Variants in TBC1D5 observed in about 807,000 individuals in gnomAD.
The protein encoded by TBC1D5 is TBC1 domain family, member 5.
Under a neutral mutation model 100.3 loss-of-function variants are expected in TBC1D5, and 75 were observed. The observed-to-expected ratio is 0.75, with a 90% CI of 0.62 to 0.91. The LOEUF (loss-of-function observed/expected upper bound fraction) is 0.91. TBC1D5 is among the 40% of genes least tolerant of loss of function. TBC1D5 has a pLI of 0.00. For synonymous variants in TBC1D5, 323 were observed against 325.6 expected, an observed-to-expected ratio of 0.99 and a Z score of 0.09; for missense variants, 910 against 942.4, an observed-to-expected ratio of 0.97 and a Z score of 0.45.
chr3:17,467,176 C>T (rs1259043016), intron 3 of TBC1D5, among the ~76,000 whole-genome samples: 1 of 151,690 alleles, frequency 6.6e-6, no homozygotes, highest in Non-Finnish European at 1.5e-5. Context: ...TCTGTTGCTA[C>T]CATTCTAGGT....
chr3:17,418,699 C>T (rs1384885198), intron 4 of TBC1D5, among the ~76,000 whole-genome samples: 2 of 152,088 alleles, frequency 1.3e-5, no homozygotes, highest in East Asian at 3.8e-4. Context: ...AACACTGTCA[C>T]CACAATGAAA....
chr3:17,398,298 G>A (rs1263398684), intron 8 of TBC1D5, among the ~76,000 whole-genome samples: 1 of 151,946 alleles, frequency 6.6e-6, no homozygotes, highest in Non-Finnish European at 1.5e-5. Flanking sequence ...TGAAATGATT[G>A]CAAAACGCTT....
intron 1 of TBC1D5, among the ~76,000 whole-genome samples, chr3:17,722,031 G>A (rs1392049366): frequency 6.6e-6 from 1 of 152,112 alleles, no homozygotes; most frequent in Non-Finnish European, 1.5e-5. Context: ...ATGTGAAGTT[G>A]CCTGACCTGT....
At chr3:17,486,201 T>A (rs1490436289) in intron 3 of TBC1D5, among the ~76,000 whole-genome samples, 3 of 152,168 alleles carry the variant, frequency 2.0e-5, no homozygotes, top group Non-Finnish European at 4.4e-5. Context: ...TTTTTTCTTG[T>A]AAATTTGTTT....
At chr3:17,624,018 C>T (rs2153656622) in intron 1 of TBC1D5, 105 bp from the exon 2 acceptor site, 1 of 152,130 alleles carries the variant, frequency 6.6e-6, no homozygotes, top group East Asian at 1.9e-4. Context: ...TCATATACAA[C>T]TTAATGTACA....
At chr3:17,530,721 A>G (rs1210334487) in intron 2 of TBC1D5, among the ~76,000 whole-genome samples, 2 of 152,228 alleles carry the variant, frequency 1.3e-5, no homozygotes, top group African/African-American at 4.8e-5. Context: ...AAACAGAACC[A>G]AAGACAAAAA....
intron 1 of TBC1D5, among the ~76,000 whole-genome samples, chr3:17,716,723 C>G (rs1238227881): frequency 6.6e-6 from 1 of 152,086 alleles, no homozygotes. Context: ...TATGAAATTT[C>G]TTTAACAGAG....
At chr3:17,733,135 T>C (rs1205311892) in intron 1 of TBC1D5, among the ~76,000 whole-genome samples, 3 of 152,174 alleles carry the variant, frequency 2.0e-5, no homozygotes, top group Admixed American at 2.0e-4. Context: ...GAGAGAATCA[T>C]GAAGCAGAAA....
chr3:17,609,602 G>C (rs772978277), intron 2 of TBC1D5, among the ~76,000 whole-genome samples: 1 of 152,152 alleles, frequency 6.6e-6, no homozygotes, highest in East Asian at 1.9e-4. Flanking sequence ...TATCTTTTTT[G>C]GGGGTTTGGG....
At chr3:17,361,273 G>T (rs1215638605) in intron 13 of TBC1D5, among the ~76,000 whole-genome samples, 7 of 151,792 alleles carry the variant, frequency 4.6e-5, no homozygotes, top group African/African-American at 9.7e-5. Context: ...AAGAATACTG[G>T]ATGTTTCATT....
rs1249270758 is a variant in TBC1D5, at chr3:17,305,773, T to G, written c.1138+2219A>C. ...CCCATTCTCCCTCTCCTATCATATT[T>G]AATCACTAAATCTTGCTACCTTTAC... is the stretch of plus-strand genomic sequence containing the variant. On this transcript the variant is annotated intron_variant, in intron 14 of 21. Coordinates refer to ENST00000253692, the Ensembl canonical transcript of TBC1D5. Among the ~76,000 whole-genome samples the G allele has an allele frequency of 4.6e-5, 7 of 152,302 alleles. No individual in the cohort carries two copies. The East Asian group carries it at 1.4e-3, about 29-fold the overall frequency.
intron 1 of TBC1D5, among the ~76,000 whole-genome samples, chr3:17,685,585 T>C (rs757822685): frequency 2.0e-5 from 3 of 152,102 alleles, no homozygotes; most frequent in Non-Finnish European, 4.4e-5. Flanking sequence ...TTGTTAGAAT[T>C]AGAAATATTT....
chr3:17,353,795 A>G (rs953267644), intron 13 of TBC1D5, among the ~76,000 whole-genome samples: 1 of 152,110 alleles, frequency 6.6e-6, no homozygotes, highest in African/African-American at 2.4e-5. Flanking sequence ...TTTAACAAAC[A>G]GATCAGGCAT....
At chr3:17,496,847 C>T (rs1010969883) in intron 3 of TBC1D5, among the ~76,000 whole-genome samples, 5 of 152,090 alleles carry the variant, frequency 3.3e-5, no homozygotes, top group African/African-American at 9.7e-5. Context: ...ACAACACAGG[C>T]TATTACATAA....
chr3:17,255,048 T>G (rs2077516344), intron 16 of TBC1D5, among the ~76,000 whole-genome samples: 1 of 152,162 alleles, frequency 6.6e-6, no homozygotes, highest in African/African-American at 2.4e-5. Context: ...AAGACATAAA[T>G]TAAGGACCCA....
At chr3:17,291,526 GC>G (rs1377136552) in intron 15 of TBC1D5, among the ~76,000 whole-genome samples, 3 of 152,086 alleles carry the variant, frequency 2.0e-5, no homozygotes. Context: ...TCTTCATATG[GC>G]CCCCAAGGTT....
At chr3:17,543,866 GT>G (rs376186298) in intron 2 of TBC1D5, among the ~76,000 whole-genome samples, 36 of 144,578 alleles carry the variant, frequency 2.5e-4, no homozygotes, top group African/African-American at 7.8e-4. Flanking sequence ...AAAGTTGTTT[GT>G]TTTTTTTTTC....
chr3:17,384,019 GA>G lies in TBC1D5; in HGVS notation c.510-5del. ...GAAAAACTGCATTTCAGGAAACCTG[GA>G]AAAAGAAAATACAAGATTGAAACTG... On this transcript the variant is annotated splice_polypyrimidine_tract_variant and splice_region_variant and intron_variant, in intron 8 of 21. Coordinates refer to ENST00000253692, the Ensembl canonical transcript of TBC1D5. 1 of 1,592,516 alleles carries G rather than the reference GA, an allele frequency of 6.3e-7. No individual in the cohort carries two copies.
intron 1 of TBC1D5, among the ~76,000 whole-genome samples, chr3:17,710,700 T>C (rs2074637457): frequency 6.6e-6 from 1 of 151,762 alleles, no homozygotes. Context: ...TATTTACTTA[T>C]TTATTTATTT....
Sources: gnomAD v4.1 joint callset for allele counts (sites outside exome capture counted in the v4.1 genomes callset) on GRCh38, gnomAD v4.1.1 for gene constraint, MANE v1.5 for transcripts, NCBI Gene and HGNC (gene_info 2026-07-23, HGNC 2026-07-21) for gene names.